KCNMA1: variants seen among roughly 807,000 people sequenced by gnomAD.
KCNMA1 encodes potassium calcium-activated channel subfamily M alpha 1.
Under a neutral mutation model 140.0 loss-of-function variants are expected in KCNMA1, and 29 were observed. That is an observed-to-expected ratio of 0.21 (90% CI 0.15 to 0.28). The LOEUF (loss-of-function observed/expected upper bound fraction) is 0.28. KCNMA1 is among the 10% of genes least tolerant of loss of function. The pLI is 1.00. For missense variants in KCNMA1, 880 were observed against 1,602.2 expected (o/e 0.55, Z 7.70); for synonymous variants, 612 against 611.9 (o/e 1.00, Z 0.00).
At chr10:77,270,432 C>T (rs1320867448) in intron 2 of KCNMA1, among the ~76,000 whole-genome samples, 1 of 152,108 alleles carries the variant, frequency 6.6e-6, no homozygotes, top group African/African-American at 2.4e-5. Flanking sequence ...GCTCAATGTC[C>T]ACCCAAAACA....
At chr10:76,954,266 C>T (rs1285999891) in intron 20 of KCNMA1, among the ~76,000 whole-genome samples, 7 of 111,086 alleles carry the variant, frequency 6.3e-5, no homozygotes, top group African/African-American at 1.9e-4. Flanking sequence ...ATCTCCCCAG[C>T]GTGCACACAC....
intron 3 of KCNMA1, among the ~76,000 whole-genome samples, chr10:77,223,215 G>A (rs1194909264): frequency 6.6e-6 from 1 of 151,046 alleles, no homozygotes. Context: ...GGGTGACAGA[G>A]CAAGTTTCCA....
chr10:76,939,110 C>CTTTTTTTTTT, intron 23 of KCNMA1: 1 of 66,702 alleles, frequency 1.5e-5, no homozygotes, highest in Non-Finnish European at 2.7e-5. Flanking sequence ...GCCACCTCTT[C>CTTTTTTTTTT]TTTTTTTTTT....
At chr10:76,964,727 A>G (rs2153091487) in intron 20 of KCNMA1, among the ~76,000 whole-genome samples, 1 of 152,328 alleles carries the variant, frequency 6.6e-6, no homozygotes, top group South Asian at 2.1e-4. Context: ...AAGTCCTAAC[A>G]AAATGACCCC....
chr10:77,003,790 C>A (rs1274304540), intron 18 of KCNMA1, among the ~76,000 whole-genome samples: 2 of 152,018 alleles, frequency 1.3e-5, no homozygotes, highest in South Asian at 4.1e-4. Flanking sequence ...TATAAATATA[C>A]CGTCTTTAAG....
At chr10:77,592,730 G>T (rs1175818926) in intron 1 of KCNMA1, among the ~76,000 whole-genome samples, 1 of 152,180 alleles carries the variant, frequency 6.6e-6, no homozygotes, top group East Asian at 1.9e-4. Context: ...TTACCCGTTT[G>T]TGCTTGTTCT....
chr10:77,481,928 T>A (rs2098402990), intron 1 of KCNMA1, among the ~76,000 whole-genome samples: 1 of 152,216 alleles, frequency 6.6e-6, no homozygotes, highest in African/African-American at 2.4e-5. Context: ...TATCCACAAC[T>A]GAAGTATAGA....
intron 1 of KCNMA1, among the ~76,000 whole-genome samples, chr10:77,530,706 G>A (rs1378447073): frequency 1.3e-5 from 2 of 152,116 alleles, no homozygotes; most frequent in Non-Finnish European, 2.9e-5. Flanking sequence ...TTCTATAGGA[G>A]ACCTGTAGTG....
chr10:76,885,253 T>TA lies in KCNMA1; in HGVS notation c.*2012_*2013insT. 4.0e-6 allele frequency: 2 copies of TA among 496,792 alleles called. No individual in the cohort carries two copies. The highest frequency in any genetic ancestry group is 8.9e-5 in the South Asian group (1 of 11,214). The allele number at this position is 496,792 out of a possible 1,614,324, so 30.8% of individuals were successfully genotyped here. On this transcript the variant is annotated 3_prime_UTR_variant, in exon 28 of 28. Coordinates refer to ENST00000286628, the MANE Select transcript of KCNMA1 (RefSeq NM_001161352.2). ...TAATTATATAGTTATATATATATAA[T>TA]TATATATAGTTTATATAAAGAGATA...
chr10:76,886,872 G>T lies in KCNMA1; in HGVS notation c.*394C>A, dbSNP rs41281550. 4,862 of 1,095,434 alleles carry T rather than the reference G, an allele frequency of 4.4e-3. 10 individuals carry two copies. The highest frequency in any genetic ancestry group is 5.0e-3 in the Non-Finnish European group (4,481 of 895,654). 67.9% of individuals were successfully genotyped at this position (1,095,434 alleles called of 1,614,324 possible). On this transcript the variant is annotated 3_prime_UTR_variant, in exon 28 of 28. Coordinates refer to ENST00000286628, the MANE Select transcript of KCNMA1 (RefSeq NM_001161352.2). ...AACAACAACAAAATCAAAACCCAAA[G>T]CACCCTGATAATCCTGATAAATCAG...
At chr10:77,333,627 A>G (rs1009240598) in intron 2 of KCNMA1, among the ~76,000 whole-genome samples, 1 of 152,230 alleles carries the variant, frequency 6.6e-6, no homozygotes, top group Non-Finnish European at 1.5e-5. Context: ...GCTCAAAATA[A>G]TAACTAGAAC....
chr10:77,390,792 C>T, intron 2 of KCNMA1, among the ~76,000 whole-genome samples: 1 of 152,188 alleles, frequency 6.6e-6, no homozygotes, highest in Non-Finnish European at 1.5e-5. Context: ...CAACAGACTT[C>T]AGCAGCAGCC....
intron 15 of KCNMA1, among the ~76,000 whole-genome samples, chr10:77,030,476 C>T (rs1308773934): frequency 2.6e-5 from 4 of 152,160 alleles, no homozygotes; most frequent in Non-Finnish European, 5.9e-5. Context: ...AGGGAGAAGG[C>T]TGATCTTAAA....
At chr10:76,969,085 C>T (rs972718680) in intron 20 of KCNMA1, among the ~76,000 whole-genome samples, 32 of 151,326 alleles carry the variant, frequency 2.1e-4, no homozygotes, top group African/African-American at 5.6e-4. Flanking sequence ...GTCAGGATGT[C>T]GGAGGAAAAA....
At chr10:77,204,675 G>C (rs376034552) in intron 3 of KCNMA1, among the ~76,000 whole-genome samples, 1 of 152,104 alleles carries the variant, frequency 6.6e-6, no homozygotes, top group Non-Finnish European at 1.5e-5. Context: ...CTGCTTCCTC[G>C]ACATGGTTTG....
At chr10:77,550,292 CT>C (rs751109225) in intron 1 of KCNMA1, among the ~76,000 whole-genome samples, 2 of 152,188 alleles carry the variant, frequency 1.3e-5, no homozygotes, top group Non-Finnish European at 2.9e-5. Flanking sequence ...GATATTGGCT[CT>C]GGTTGGGGCT....
chr10:77,502,365 C>T (rs1376562113), intron 1 of KCNMA1, among the ~76,000 whole-genome samples: 1 of 152,204 alleles, frequency 6.6e-6, no homozygotes, highest in African/African-American at 2.4e-5. Context: ...TTGAGCCACC[C>T]ACCTCTGAAT....
In KCNMA1 at chr10:77,215,158, G is replaced by A. The variant is rs140443592; in HGVS notation, c.603-30242C>T. Among the ~76,000 whole-genome samples, 9 of 152,028 alleles carry A rather than the reference G, an allele frequency of 5.9e-5. No homozygotes were observed. In the East Asian group the frequency reaches 1.4e-3, roughly 23 times the overall value. On this transcript the variant is annotated intron_variant, in intron 3 of 27. Transcript: ENST00000286628. Reference sequence around the variant, plus strand: ...CTTCCCAGTAAATGCTACCACCAGCGACTTGTCATTGAAGCCAAACACTAG... The same window carrying A: ...CTTCCCAGTAAATGCTACCACCAGCAACTTGTCATTGAAGCCAAACACTAG...
chr10:77,264,852 A>G lies in KCNMA1; in HGVS notation c.541-13596T>C, dbSNP rs191616604. 5.2e-3 allele frequency among the ~76,000 whole-genome samples: 797 copies of G among 151,982 alleles called. 3 individuals carry two copies. Among genetic ancestry groups the G allele is most frequent in the African/African-American group, 0.018 (759 of 41,442 alleles). On this transcript the variant is annotated intron_variant, in intron 2 of 27. Transcript: ENST00000286628. Reference sequence around the variant, plus strand: ...TATGTGCTAGAATAAATTTCTCTTAACCTCCCACACCAGCCTACAAGTCAT... The same window carrying G: ...TATGTGCTAGAATAAATTTCTCTTAGCCTCCCACACCAGCCTACAAGTCAT...
Sources: allele counts gnomAD v4.1 joint callset (sites outside exome capture counted in the v4.1 genomes callset), GRCh38; gene constraint gnomAD v4.1.1; transcripts MANE v1.5; gene names NCBI Gene and HGNC (gene_info 2026-07-23, HGNC 2026-07-21).